TMC8: variants seen among roughly 807,000 people sequenced by gnomAD.
TMC8 encodes transmembrane channel like 8, also known as transmembrane channel-like protein 8.
A neutral mutation model predicts 76.0 loss-of-function variants in TMC8; 71 were observed. The ratio of observed to expected loss-of-function variants is 0.93; its 90% CI spans 0.77 to 1.14. TMC8 has a LOEUF of 1.14. TMC8 is among the 50% of genes most tolerant of loss of function. TMC8 has a pLI of 0.00. For missense variants in TMC8, 924 were observed against 947.9 expected (o/e 0.97, Z 0.33); for synonymous variants, 433 against 433.8 (o/e 1.00, Z 0.02).
chr17:78,133,486 C>T lies in TMC8; in HGVS notation c.612C>T (p.Ala204=), dbSNP rs771066511. Residue 204 remains alanine, a synonymous_variant, in exon 6 of 16, where the codon GCC becomes GCT. Transcript: ENST00000318430. The part of the protein sequence containing the change: ...ESSSVYSIRL[A]YLLSPLACLL... ...GCTCCGTGTACAGCATCCGCCTGGC[C>T]TACCTCCTCAGCCCGCTGGCCTGCC... 1.2e-6 allele frequency: 2 copies of T among 1,613,710 alleles called. No homozygotes were observed. The highest frequency in any genetic ancestry group is 1.7e-6 in the Non-Finnish European group (2 of 1,180,040).
At chr17:78,132,691 C>A in intron 4 of TMC8, 97 bp from the exon 5 acceptor site, 1 of 1,530,026 alleles carries the variant, frequency 6.5e-7, no homozygotes, top group Non-Finnish European at 9.0e-7. Context: ...GCCCCCTGCC[C>A]AGGCCTCCCC....
intron 1 of TMC8, 40 bp downstream of exon 1, chr17:78,130,891 A>C (rs1568010137): frequency 6.4e-6 from 1 of 156,070 alleles, no homozygotes; most frequent in Non-Finnish European, 1.4e-5. Flanking sequence ...GCAGAGGGTG[A>C]GGGGCTGTGG....
At position 78,139,156 on chromosome 17, in the gene TMC8, C is replaced by T. The variant is rs972353964; in HGVS notation, c.1824-6C>T. 1.2e-6 allele frequency: 2 copies of T among 1,613,470 alleles called. No homozygotes were observed. The highest frequency in any genetic ancestry group is 2.7e-5 in the African/African-American group (2 of 74,942). On this transcript the variant is annotated splice_region_variant and splice_polypyrimidine_tract_variant and intron_variant, in intron 14 of 15. Transcript: ENST00000318430. Reference sequence around the variant, plus strand: ...CAACTGACCACGAATCCCCTTCCCACCCAAGCCTTGTCCTGACGGTGTGCG... The same window carrying T: ...CAACTGACCACGAATCCCCTTCCCATCCAAGCCTTGTCCTGACGGTGTGCG...
At chr17:78,135,533 C>T (rs542388169) in intron 9 of TMC8, among the ~76,000 whole-genome samples, 6 of 152,274 alleles carry the variant, frequency 3.9e-5, no homozygotes, top group African/African-American at 7.2e-5. Context: ...ATCCTCCCGC[C>T]GGAGCAGCTG....
chr17:78,136,918 C>T (rs995360990), intron 9 of TMC8: 25 of 363,522 alleles, frequency 6.9e-5, no homozygotes, highest in African/African-American at 5.3e-4. Flanking sequence ...AAAATTTAGT[C>T]AGAAATCGCT....
chr17:78,139,023 C>A, intron 14 of TMC8, 139 bp from the exon 15 acceptor site: 1 of 1,578,216 alleles, frequency 6.3e-7, no homozygotes, highest in Non-Finnish European at 8.6e-7. Flanking sequence ...GAGGAGGGTC[C>A]CATCCTCAGA....
Position 78,131,917 on chromosome 17 carries a change from G to T in TMC8, c.185G>T (p.Arg62Leu), listed in dbSNP as rs757695775. Residue 62 changes from arginine (R) to leucine (L), a missense_variant, in exon 3 of 16, where the codon CGC (arginine) becomes CTC (leucine). Coordinates refer to ENST00000318430, the MANE Select transcript of TMC8 (RefSeq NM_152468.5). Reference protein sequence around the residue: ...LREPAGVQTLRWQRWQRRRQT... With the variant: ...LREPAGVQTLLWQRWQRRRQT... Reference sequence around the variant, plus strand: ...GAGCCCGCGGGGGTGCAGACCTTGCGCTGGCAGCGGTGGCAGCGCCGGCGG... The same window carrying T: ...GAGCCCGCGGGGGTGCAGACCTTGCTCTGGCAGCGGTGGCAGCGCCGGCGG... The T allele has an allele frequency of 3.3e-6, 5 of 1,496,284 alleles. No individual in the cohort carries two copies. Among genetic ancestry groups the T allele is most frequent in the Non-Finnish European group, 4.4e-6 (5 of 1,129,136 alleles). 92.7% of individuals were successfully genotyped at this position (1,496,284 alleles called of 1,614,324 possible). A position where few individuals can be genotyped will look rare whatever the true frequency, so the allele number is the denominator to read the frequency against.
At chr17:78,137,570 C>T (rs1203332166) in intron 10 of TMC8, 147 bp from the exon 11 acceptor site, 14 of 1,119,180 alleles carry the variant, frequency 1.3e-5, no homozygotes, top group Non-Finnish European at 1.9e-5. Context: ...TGCTCTAATC[C>T]CATCCTCAAG....
At chr17:78,135,931 G>A (rs1428969546) in intron 9 of TMC8, among the ~76,000 whole-genome samples, 1 of 152,150 alleles carries the variant, frequency 6.6e-6, no homozygotes, top group African/African-American at 2.4e-5. Context: ...GTGCACACCT[G>A]TAATCCCAGC....
In TMC8 at chr17:78,142,333, G is replaced by C. The variant is rs2075386381; in HGVS notation, c.*1221G>C. 6.6e-6 allele frequency: 1 copy of C among 152,266 alleles called. No individual in the cohort carries two copies. Among genetic ancestry groups the C allele is most frequent in the East Asian group, 1.9e-4 (1 of 5,196 alleles). The allele number at this position is 152,266 out of a possible 1,614,324, so 9.4% of individuals were successfully genotyped here. On this transcript the variant is annotated 3_prime_UTR_variant, in exon 16 of 16. Coordinates refer to ENST00000318430, the MANE Select transcript of TMC8 (RefSeq NM_152468.5). The stretch of plus-strand genomic sequence containing the variant: ...TGAGAACTGTCAGGAGGGAAGGTCA[G>C]AAGTCCCAGGATGCACTTGAAAAGC...
intron 8 of TMC8, 107 bp from the exon 9 acceptor site, chr17:78,134,763 C>T (rs2075176185): frequency 6.3e-7 from 1 of 1,578,680 alleles, no homozygotes. Context: ...TACAGGCGAC[C>T]CTATTCTGGG....
intron 15 of TMC8, among the ~76,000 whole-genome samples, chr17:78,139,799 G>T (rs1331608500): frequency 6.6e-6 from 1 of 150,862 alleles, no homozygotes; most frequent in African/African-American, 2.4e-5. Context: ...TTGGGAGGCC[G>T]AGGTGAGTGG....
rs770585046 is a variant in TMC8 at position 78,141,058 on chromosome 17, C to A, written c.2127C>A (p.His709Gln). Residue 709 changes from histidine to glutamine, a missense_variant, in exon 16 of 16, where the codon CAC (histidine) becomes CAA (glutamine). Transcript: ENST00000318430. ...AGLRSPCPGQHGAPASARRFR... is the reference protein window; with the variant it reads ...AGLRSPCPGQQGAPASARRFR... ...TGCGTTCCCCTTGCCCTGGACAGCA[C>A]GGTGCCCCGGCCTCCGCCCGCAGAT... 1.3e-6 allele frequency: 2 copies of A among 1,597,252 alleles called. No homozygotes were observed. The highest frequency in any genetic ancestry group is 2.7e-5 in the African/African-American group (2 of 74,490).
chr17:78,138,889 C>T (rs1228048945), intron 14 of TMC8, 157 bp downstream of exon 14: 1 of 1,537,216 alleles, frequency 6.5e-7, no homozygotes, highest in Non-Finnish European at 8.7e-7. Context: ...CTGGGCCCAC[C>T]CTCTGGGCTG....
At position 78,137,533 on chromosome 17, in the gene TMC8, T is replaced by C; in HGVS notation, c.1251+175T>C. On this transcript the variant is annotated intron_variant, in intron 10 of 15. Transcript: ENST00000318430. The stretch of plus-strand genomic sequence containing the variant: ...GCGCCACTGCTGCCACATGGTGTAG[T>C]GTGGCTGCCCTGGCTGTGGGGCTTC... 2.4e-6 allele frequency: 3 copies of C among 1,254,498 alleles called. 1 individual carries two copies. The South Asian group carries it at 3.7e-5, about 15-fold the overall frequency. 77.7% of individuals were successfully genotyped at this position (1,254,498 alleles called of 1,614,324 possible).
intron 9 of TMC8, chr17:78,137,002 C>A: frequency 1.9e-6 from 1 of 525,110 alleles, no homozygotes; most frequent in Non-Finnish European, 3.4e-6. Context: ...CAGAGTGAGA[C>A]TCGGTCTTGA....
Position 78,141,339 on chromosome 17 carries a change from T to G in TMC8, c.*227T>G. 1 of 388,564 alleles carries G rather than the reference T, an allele frequency of 2.6e-6. No individual in the cohort carries two copies. The highest frequency in any genetic ancestry group is 3.9e-5 in the East Asian group (1 of 25,736). 24.1% of individuals were successfully genotyped at this position (388,564 alleles called of 1,614,324 possible). On this transcript the variant is annotated 3_prime_UTR_variant, in exon 16 of 16. Transcript: ENST00000318430. ...AATGTCTATTTTTTATTGTGTTTTT[T>G]ATAATATACATAATCTATTAGTATA... is the stretch of plus-strand genomic sequence containing the variant.
intron 6 of TMC8, 110 bp from the exon 7 acceptor site, chr17:78,133,743 A>T (rs1208313570): frequency 3.2e-6 from 5 of 1,558,670 alleles, no homozygotes; most frequent in African/African-American, 2.7e-5. Context: ...ACTCACCAGG[A>T]CCTGCACCTG....
At chr17:78,134,106 AGTGT>A in intron 7 of TMC8, 106 bp downstream of exon 7, 1 of 1,519,652 alleles carries the variant, frequency 6.6e-7, no homozygotes, top group Admixed American at 1.7e-5. Context: ...CGACCGTGCC[AGTGT>A]GTGTGAGCGT....
Sources: gnomAD v4.1 joint callset for allele counts (sites outside exome capture counted in the v4.1 genomes callset) on GRCh38, gnomAD v4.1.1 for gene constraint, MANE v1.5 for transcripts, NCBI Gene and HGNC (gene_info 2026-07-23, HGNC 2026-07-21) for gene names.